JARID2: variants seen among roughly 807,000 people sequenced by gnomAD.
JARID2 encodes protein Jumonji.
A neutral mutation model predicts 125.6 loss-of-function variants in JARID2; 21 were observed. That is an observed-to-expected ratio of 0.17 (90% CI 0.12 to 0.24). JARID2 has a LOEUF of 0.24. JARID2 is among the 10% of genes least tolerant of loss of function. The pLI, the probability that JARID2 is intolerant of heterozygous loss-of-function variation, is 1.00. For synonymous variants in JARID2, 736 were observed against 661.6 expected (o/e 1.11, Z -1.73); for missense variants, 1,303 against 1,639.6 (o/e 0.79, Z 3.55).
chr6:15,353,198 C>T (rs756390746), intron 1 of JARID2, among the ~76,000 whole-genome samples: 3 of 152,220 alleles, frequency 2.0e-5, no homozygotes, highest in African/African-American at 4.8e-5. Flanking sequence ...TGCATCCTTT[C>T]CAATACTTGT....
chr6:15,286,366 C>G (rs1323070132), intron 1 of JARID2, among the ~76,000 whole-genome samples: 2 of 151,458 alleles, frequency 1.3e-5, no homozygotes, highest in Non-Finnish European at 2.9e-5. Context: ...GATTCTCTGC[C>G]TCAGCCGCCC....
At chr6:15,413,004 T>G (rs1341595137) in intron 3 of JARID2, among the ~76,000 whole-genome samples, 7 of 68,322 alleles carry the variant, frequency 1.0e-4, no homozygotes, top group South Asian at 9.2e-4. Flanking sequence ...GAGCTTGTGT[T>G]TTTGTTTTTT....
At chr6:15,482,515 A>C (rs1282569367) in intron 5 of JARID2, among the ~76,000 whole-genome samples, 1 of 152,262 alleles carries the variant, frequency 6.6e-6, no homozygotes, top group East Asian at 1.9e-4. Context: ...TCCAAAACCA[A>C]AAACTTATTA....
intron 1 of JARID2, among the ~76,000 whole-genome samples, chr6:15,308,834 A>T (rs773928457): frequency 6.6e-6 from 1 of 152,222 alleles, no homozygotes; most frequent in African/African-American, 2.4e-5. Flanking sequence ...TGTCAACAGT[A>T]AATAGGCTGT....
At chr6:15,334,397 ATG>A (rs139438994) in intron 1 of JARID2, among the ~76,000 whole-genome samples, 4,208 of 152,220 alleles carry the variant, frequency 0.028, 200 homozygotes, top group African/African-American at 0.095. Flanking sequence ...TTCTATAAAA[ATG>A]TTTTTTCTAT....
intron 1 of JARID2, among the ~76,000 whole-genome samples, chr6:15,311,492 C>T (rs141558288): frequency 0.036 from 5,548 of 152,258 alleles, 138 homozygotes; most frequent in South Asian, 0.11. Context: ...GCAGGAGAAT[C>T]GCTTGAACCT....
chr6:15,412,927 G>T (rs1468759699), intron 3 of JARID2, among the ~76,000 whole-genome samples: 1 of 150,146 alleles, frequency 6.7e-6, no homozygotes, highest in Non-Finnish European at 1.5e-5. Context: ...ATCTTTAGTG[G>T]ATTGTTAAAC....
intron 1 of JARID2, among the ~76,000 whole-genome samples, chr6:15,332,042 A>C (rs1371199502): frequency 2.0e-5 from 3 of 152,146 alleles, no homozygotes; most frequent in African/African-American, 7.2e-5. Context: ...GCAGGAACTG[A>C]TGCCCTCAGA....
At chr6:15,339,368 G>A (rs1762988709) in intron 1 of JARID2, among the ~76,000 whole-genome samples, 1 of 152,068 alleles carries the variant, frequency 6.6e-6, no homozygotes, top group Non-Finnish European at 1.5e-5. Flanking sequence ...ATATCAGGAG[G>A]AAGTTGCAAA....
intron 1 of JARID2, chr6:15,247,953 G>A (rs1759247136): frequency 1.0e-6 from 1 of 985,354 alleles, no homozygotes; most frequent in Admixed American, 6.2e-5. Flanking sequence ...GCCTTCCCGG[G>A]GCACGTCCGT....
At chr6:15,449,196 T>C (rs1272644828) in intron 3 of JARID2, among the ~76,000 whole-genome samples, 1 of 152,140 alleles carries the variant, frequency 6.6e-6, no homozygotes, top group East Asian at 1.9e-4. Flanking sequence ...AAAGCTCTCT[T>C]TGTTCCCCAT....
intron 7 of JARID2, among the ~76,000 whole-genome samples, chr6:15,500,153 C>T (rs55862621): frequency 0.13 from 19,860 of 152,128 alleles, 1,441 homozygotes; most frequent in Non-Finnish European, 0.15. Flanking sequence ...ACTGGGCGCG[C>T]GTTAAAACCT....
intron 1 of JARID2, among the ~76,000 whole-genome samples, chr6:15,265,518 G>T (rs974911510): frequency 6.6e-6 from 1 of 152,066 alleles, no homozygotes; most frequent in East Asian, 1.9e-4. Flanking sequence ...TCCAGATTTG[G>T]CTCTGTGAGA....
chr6:15,515,751 T>A (rs1262304181), intron 16 of JARID2, among the ~76,000 whole-genome samples: 2 of 146,026 alleles, frequency 1.4e-5, no homozygotes, highest in Non-Finnish European at 1.5e-5. Context: ...CCTGTCTCTT[T>A]AAAAAAAAAA....
intron 1 of JARID2, among the ~76,000 whole-genome samples, chr6:15,359,436 T>C (rs1186149147): frequency 6.6e-6 from 1 of 152,156 alleles, no homozygotes; most frequent in Non-Finnish European, 1.5e-5. Context: ...ACACATATTT[T>C]TGATTTGCGG....
intron 2 of JARID2, among the ~76,000 whole-genome samples, chr6:15,403,351 GT>G (rs915694874): frequency 6.6e-6 from 1 of 152,130 alleles, no homozygotes; most frequent in African/African-American, 2.4e-5. Context: ...GGGATTGTTG[GT>G]TAGGATGTAC....
intron 3 of JARID2, among the ~76,000 whole-genome samples, chr6:15,436,998 C>T (rs572351430): frequency 1.3e-5 from 2 of 152,156 alleles, no homozygotes; most frequent in African/African-American, 4.8e-5. Context: ...TATCCAGGTC[C>T]TTCTTAGAGC....
At chr6:15,448,937 T>G (rs1220440901) in intron 3 of JARID2, among the ~76,000 whole-genome samples, 1 of 152,084 alleles carries the variant, frequency 6.6e-6, no homozygotes, top group African/African-American at 2.4e-5. Flanking sequence ...TTTAAATTGC[T>G]TTTTGCCCCC....
chr6:15,486,472 C>T (rs189097837), intron 5 of JARID2, among the ~76,000 whole-genome samples: 1 of 152,346 alleles, frequency 6.6e-6, no homozygotes, highest in Non-Finnish European at 1.5e-5. Flanking sequence ...CTTCATGTGC[C>T]AGGGATAGGT....
Sources: allele counts gnomAD v4.1 joint callset (sites outside exome capture counted in the v4.1 genomes callset), GRCh38; gene constraint gnomAD v4.1.1; transcripts MANE v1.5; gene names NCBI Gene and HGNC (gene_info 2026-07-23, HGNC 2026-07-21).